SPINK6: variants seen among roughly 807,000 people sequenced by gnomAD.
SPINK6 encodes serine protease inhibitor Kazal-type 6.
Under a neutral mutation model 11.7 loss-of-function variants are expected in SPINK6, and 13 were observed. The observed-to-expected ratio is 1.11, with a 90% confidence interval of 0.72 to 1.76. SPINK6 has a LOEUF of 1.76. SPINK6 is among the 40% of genes most tolerant of loss of function. SPINK6 has a pLI of 0.00. For missense variants in SPINK6, 98 were observed against 93.7 expected (o/e 1.05, Z -0.19); for synonymous variants, 21 against 31.9 (o/e 0.66, Z 1.15).
At chr5:148,210,192 C>A (rs1755569050) in intron 2 of SPINK6, among the ~76,000 whole-genome samples, 1 of 139,984 alleles carries the variant, frequency 7.1e-6, no homozygotes, top group African/African-American at 2.5e-5. Flanking sequence ...ATATGTATTT[C>A]TGCATGCATA....
chr5:148,209,959 T>G (rs1339482278), intron 2 of SPINK6, among the ~76,000 whole-genome samples: 1 of 151,238 alleles, frequency 6.6e-6, no homozygotes, highest in Non-Finnish European at 1.5e-5. Context: ...CATATATATG[T>G]ATACATACAT....
At chr5:148,210,572 A>G (rs1451769276) in intron 2 of SPINK6, among the ~76,000 whole-genome samples, 1 of 151,898 alleles carries the variant, frequency 6.6e-6, no homozygotes, top group Non-Finnish European at 1.5e-5. Flanking sequence ...ATTTTTCAGT[A>G]CCATATGGGA....
At chr5:148,202,958 TG>T, upstream of SPINK6, 1 of 528,306 alleles carries the variant, frequency 1.9e-6, no homozygotes, top group Non-Finnish European at 3.3e-6. Context: ...TTTTTTAATG[TG>T]TTGGCAGGCC....
chr5:148,206,073 T>G lies in SPINK6; in HGVS notation c.81+15T>G. On this transcript the variant is annotated intron_variant, in intron 2 of 3. Transcript: ENST00000325630. ...AGGGAGGACAGGTCAGTGCCTATTT[T>G]TATCTCTGCTTTCTGCCTGGGTGGT... The G allele has an allele frequency of 6.2e-7, 1 of 1,614,042 alleles. No individual in the cohort carries two copies. The highest frequency in any genetic ancestry group is 8.5e-7 in the Non-Finnish European group (1 of 1,179,938).
chr5:148,210,007 C>CATACACACGTACGTATCT (rs1554112271), intron 2 of SPINK6, among the ~76,000 whole-genome samples: 1 of 105,730 alleles, frequency 9.5e-6, no homozygotes, highest in Non-Finnish European at 1.8e-5. Flanking sequence ...CGTATGTATA[C>CATACACACGTACGTATCT]ATGTATGTAC....
intron 2 of SPINK6, among the ~76,000 whole-genome samples, chr5:148,209,598 T>G (rs1755541821): frequency 6.6e-6 from 1 of 152,062 alleles, no homozygotes; most frequent in African/African-American, 2.4e-5. Context: ...TATCTAAAAT[T>G]AAAGGAGGAA....
rs578172710 is a variant in SPINK6 at position 148,210,869 on chromosome 5, A to T, written c.82-3041A>T. Among the ~76,000 whole-genome samples, 3 of 152,236 alleles carry T rather than the reference A, an allele frequency of 2.0e-5. No individual in the cohort carries two copies. In the South Asian group the frequency reaches 6.2e-4, roughly 32 times the overall value. ...TAGAAAGGGGAGGGAAATAAGGGTG[A>T]GGGGAAGCCAAGCTTGGTAGCAATT... On this transcript the variant is annotated intron_variant, in intron 2 of 3. Coordinates refer to ENST00000325630, the MANE Select transcript of SPINK6 (RefSeq NM_205841.4).
rs1014617430 is a variant in SPINK6, at chr5:148,205,977, A to T, written c.59-59A>T. 4.4e-6 allele frequency: 7 copies of T among 1,592,034 alleles called. No homozygotes were observed. The Admixed American group carries it at 1.2e-4, about 27-fold the overall frequency. On this transcript the variant is annotated intron_variant, in intron 1 of 3. Coordinates refer to ENST00000325630, the MANE Select transcript of SPINK6 (RefSeq NM_205841.4). ...ATATTAGGAATTTCCTAATGTTGAA[A>T]ATTTCACTTTTTGTACATCAATGAA...
chr5:148,214,986 T>TTGCAGCCTTCTTTTCTCACTTC lies in SPINK6; in HGVS notation c.*40_*61dup, dbSNP rs765587193. On this transcript the variant is annotated 3_prime_UTR_variant, in exon 4 of 4. Coordinates refer to ENST00000325630, the MANE Select transcript of SPINK6 (RefSeq NM_205841.4). ...ATGTTTCTTGGTGACTTGCCAGCTT[T>TTGCAGCCTTCTTTTCTCACTTC]TGCAGCCTTCTTTTCTCACTTCTGC... 6.2e-7 allele frequency: 1 copy of TTGCAGCCTTCTTTTCTCACTTC among 1,606,180 alleles called. No homozygotes were observed. Among genetic ancestry groups the TTGCAGCCTTCTTTTCTCACTTC allele is most frequent in the Non-Finnish European group, 8.5e-7 (1 of 1,173,056 alleles).
In SPINK6 at chr5:148,213,984, C is replaced by T. The variant is rs1321099766; in HGVS notation, c.156C>T (p.Gly52=). Residue 52 remains glycine, a synonymous_variant, in exon 3 of 4, where the codon GGC becomes GGT. Transcript: ENST00000325630. The part of the protein sequence containing the change: ...RESNPHCGSD[G]QTYGNKCAFC... ...CTAACCCACACTGTGGCTCTGATGG[C>T]CAGACATATGGCAATAAATGTGCCT... The T allele has an allele frequency of 6.2e-7, 1 of 1,613,442 alleles. No individual in the cohort carries two copies. The highest frequency in any genetic ancestry group is 2.2e-5 in the East Asian group (1 of 44,876).
intron 1 of SPINK6, among the ~76,000 whole-genome samples, chr5:148,203,484 C>G (rs1270119345): frequency 6.6e-6 from 1 of 152,124 alleles, no homozygotes; most frequent in Non-Finnish European, 1.5e-5. Context: ...AAAAGACTTG[C>G]AACTAGTAGT....
At chr5:148,213,128 A>T (rs1420577147) in intron 2 of SPINK6, among the ~76,000 whole-genome samples, 1 of 151,902 alleles carries the variant, frequency 6.6e-6, no homozygotes, top group African/African-American at 2.4e-5. Flanking sequence ...ATGGATGGAT[A>T]TTGCATCCAC....
chr5:148,206,510 C>A (rs1416688238), intron 2 of SPINK6, among the ~76,000 whole-genome samples: 1 of 152,086 alleles, frequency 6.6e-6, no homozygotes, highest in Non-Finnish European at 1.5e-5. Context: ...AAATTAACAT[C>A]CTCTGAAGAA....
chr5:148,203,033 A>C, upstream of SPINK6: 2 of 1,388,002 alleles, frequency 1.4e-6, no homozygotes, highest in East Asian at 4.6e-5. Context: ...CTTTCTGGGA[A>C]TTGTCTTGAC....
intron 3 of SPINK6, among the ~76,000 whole-genome samples, 198 bp from the exon 4 acceptor site, chr5:148,214,703 ATTTG>A (rs1755659193): frequency 6.6e-6 from 1 of 152,204 alleles, no homozygotes; most frequent in Admixed American, 6.5e-5. Flanking sequence ...TAACTCTGAA[ATTTG>A]TTTAAGATTC....
At chr5:148,213,257 G>T (rs1755637169) in intron 2 of SPINK6, among the ~76,000 whole-genome samples, 2 of 151,960 alleles carry the variant, frequency 1.3e-5, no homozygotes, top group African/African-American at 4.8e-5. Context: ...TGTCGCCCAG[G>T]CTGGAGTGCG....
At chr5:148,202,839 T>G, upstream of SPINK6, 1 of 367,956 alleles carries the variant, frequency 2.7e-6, no homozygotes, top group Middle Eastern at 7.3e-4. Flanking sequence ...TATTGGTTGT[T>G]AGGAAAATGT....
Position 148,203,978 on chromosome 5 carries a change from T to C in SPINK6, c.58+824T>C, listed in dbSNP as rs897507246. On this transcript the variant is annotated intron_variant, in intron 1 of 3. Coordinates refer to ENST00000325630, the MANE Select transcript of SPINK6 (RefSeq NM_205841.4). ...TTTCATCTCTTCTATTAATGGCCTGTGTCACTTAAAGAAATAACATAATTT... is the reference window on the plus strand; with the variant it reads ...TTTCATCTCTTCTATTAATGGCCTGCGTCACTTAAAGAAATAACATAATTT... 2.6e-5 allele frequency among the ~76,000 whole-genome samples: 4 copies of C among 152,298 alleles called. No homozygotes were observed. In the East Asian group the frequency reaches 7.7e-4, roughly 29 times the overall value.
intron 2 of SPINK6, among the ~76,000 whole-genome samples, chr5:148,210,830 C>T (rs1755588191): frequency 6.6e-6 from 1 of 151,840 alleles, no homozygotes; most frequent in Admixed American, 6.6e-5. Context: ...TTTTTGAAAG[C>T]AGTTTCAGTA....
Sources: gnomAD v4.1 joint callset for allele counts (sites outside exome capture counted in the v4.1 genomes callset) on GRCh38, gnomAD v4.1.1 for gene constraint, MANE v1.5 for transcripts, NCBI Gene and HGNC (gene_info 2026-07-23, HGNC 2026-07-21) for gene names.